The following IQGAP2 variants were observed in gnomAD, a reference collection of about 807,000 sequenced individuals.
The protein encoded by IQGAP2 is ras GTPase-activating-like protein IQGAP2.
Under a neutral mutation model 201.3 loss-of-function variants are expected in IQGAP2, and 173 were observed. The observed-to-expected ratio is 0.86, with a 90% CI of 0.76 to 0.98. The LOEUF (loss-of-function observed/expected upper bound fraction) is 0.98, where lower values mean the gene tolerates loss of function less well. Among genes scored for constraint, IQGAP2 ranks in the 50% least tolerant of loss-of-function variants. The pLI is 0.00. For missense variants in IQGAP2, 1,687 were observed against 1,864.8 expected (o/e 0.90, Z 1.76); for synonymous variants, 675 against 673.9 (o/e 1.00, Z -0.03).
At chr5:76,467,206 C>T (rs1754828445) in intron 2 of IQGAP2, among the ~76,000 whole-genome samples, 1 of 152,122 alleles carries the variant, frequency 6.6e-6, no homozygotes, top group Admixed American at 6.5e-5. Context: ...GAGCTGAGAT[C>T]ACACTGCACT....
intron 1 of IQGAP2, among the ~76,000 whole-genome samples, chr5:76,449,917 A>G (rs1401179000): frequency 6.6e-6 from 1 of 152,202 alleles, no homozygotes; most frequent in Non-Finnish European, 1.5e-5. Context: ...GTACAGCATG[A>G]ATTATATTTA....
intron 13 of IQGAP2, among the ~76,000 whole-genome samples, chr5:76,625,812 C>T (rs1442043004): frequency 6.6e-6 from 1 of 152,206 alleles, no homozygotes; most frequent in Non-Finnish European, 1.5e-5. Context: ...GATCCATTAC[C>T]TTTCATTCAT....
intron 3 of IQGAP2, among the ~76,000 whole-genome samples, chr5:76,565,246 C>A (rs1744664947): frequency 6.6e-6 from 1 of 152,168 alleles, no homozygotes; most frequent in Non-Finnish European, 1.5e-5. Flanking sequence ...AATAACCCAG[C>A]CCCAGCCCCT....
At position 76,455,453 on chromosome 5, in the gene IQGAP2, CAAAAAAAA is replaced by C. The variant is rs59978990; in HGVS notation, c.47-6102_47-6095del. On this transcript the variant is annotated intron_variant, in intron 1 of 35. Coordinates refer to ENST00000274364, the MANE Select transcript of IQGAP2 (RefSeq NM_006633.5). ...GGGCAACAAGAGCGAGACTCTGTCT[CAAAAAAAA>C]AAAAAAAAAAAAAAGAGAACAAACA... is the stretch of plus-strand genomic sequence containing the variant. Among the ~76,000 whole-genome samples the C allele has an allele frequency of 7.3e-4, 59 of 81,210 alleles. 1 individual carries two copies. In the South Asian group the frequency reaches 0.025, roughly 34 times the overall value. The allele number at this position is 81,210 out of a possible 152,430, so 53.3% of individuals were successfully genotyped here.
At chr5:76,640,812 T>C in intron 16 of IQGAP2, 121 bp from the exon 17 acceptor site, 2 of 747,584 alleles carry the variant, frequency 2.7e-6, no homozygotes, top group Non-Finnish European at 4.2e-6. Flanking sequence ...AAATTTGTTT[T>C]TAAACCAAGC....
At chr5:76,429,491 G>A (rs1489228162) in intron 1 of IQGAP2, among the ~76,000 whole-genome samples, 1 of 150,112 alleles carries the variant, frequency 6.7e-6, no homozygotes, top group Non-Finnish European at 1.5e-5. Context: ...AGAATGGTGT[G>A]AACCCGGGAG....
At position 76,409,241 on chromosome 5, in the gene IQGAP2, C is replaced by CTTTTT. The variant is rs35574851; in HGVS notation, c.46+5669_46+5673dup. Among the ~76,000 whole-genome samples the CTTTTT allele has an allele frequency of 1.9e-3, 147 of 79,372 alleles. 4 individuals carry two copies. Among genetic ancestry groups the CTTTTT allele is most frequent in the East Asian group, 4.6e-3 (11 of 2,374 alleles). 52.1% of individuals were successfully genotyped at this position (79,372 alleles called of 152,430 possible). On this transcript the variant is annotated intron_variant, in intron 1 of 35. Coordinates refer to ENST00000274364, the MANE Select transcript of IQGAP2 (RefSeq NM_006633.5). ...CAAGAAACAGCATAGAATACATGGG[C>CTTTTT]TTTTTTTTTTTTTTTTTTTTTTTGA...
At chr5:76,595,122 T>C (rs1054354673) in intron 9 of IQGAP2, among the ~76,000 whole-genome samples, 5 of 152,128 alleles carry the variant, frequency 3.3e-5, no homozygotes, top group Non-Finnish European at 7.3e-5. Flanking sequence ...ACAGATCTGT[T>C]GTTAGAGGCC....
rs529456926 is a variant in IQGAP2 at position 76,671,673 on chromosome 5, G to A, written c.2844-86G>A. On this transcript the variant is annotated intron_variant, in intron 23 of 35. Coordinates refer to ENST00000274364, the MANE Select transcript of IQGAP2 (RefSeq NM_006633.5). ...ACTGCACTCCAGCCTGGGTGACAGA[G>A]CAAGACTGTCTCGGGGAAAAAAAAA... 5.2e-6 allele frequency: 5 copies of A among 960,408 alleles called. No individual in the cohort carries two copies. The Admixed American group carries it at 7.6e-5, about 15-fold the overall frequency. 59.5% of individuals were successfully genotyped at this position (960,408 alleles called of 1,614,324 possible). A position where few individuals can be genotyped will look rare whatever the true frequency, so the allele number is the denominator to read the frequency against.
chr5:76,530,247 C>T lies in IQGAP2; in HGVS notation c.147-32149C>T, dbSNP rs115089968. On this transcript the variant is annotated intron_variant, in intron 2 of 35. Transcript: ENST00000274364. ...TATTCTTTTTTAAAAACTTTCCAGC[C>T]ATTAAAAAATCTAAAAAATATCCTT... Among the ~76,000 whole-genome samples the T allele has an allele frequency of 2.4e-3, 372 of 152,202 alleles. 4 individuals are homozygous for T. The highest frequency in any genetic ancestry group is 8.4e-3 in the African/African-American group (349 of 41,514).
At chr5:76,457,211 A>C (rs1299232722) in intron 1 of IQGAP2, among the ~76,000 whole-genome samples, 4 of 151,674 alleles carry the variant, frequency 2.6e-5, no homozygotes, top group African/African-American at 9.7e-5. Context: ...CTAGTCTCAA[A>C]CTCCTGAACT....
chr5:76,593,800 C>T (rs752561458), intron 9 of IQGAP2, among the ~76,000 whole-genome samples: 1 of 152,166 alleles, frequency 6.6e-6, no homozygotes, highest in Non-Finnish European at 1.5e-5. Context: ...CAGTCCTAAA[C>T]CTTGCCTTCC....
intron 1 of IQGAP2, among the ~76,000 whole-genome samples, chr5:76,411,831 G>A (rs1751137846): frequency 6.6e-6 from 1 of 152,180 alleles, no homozygotes; most frequent in Non-Finnish European, 1.5e-5. Flanking sequence ...TAGAGATAAA[G>A]CAAGGTTAGC....
At chr5:76,625,390 G>C (rs1181301771) in intron 13 of IQGAP2, among the ~76,000 whole-genome samples, 1 of 152,206 alleles carries the variant, frequency 6.6e-6, no homozygotes, top group South Asian at 2.1e-4. Context: ...TAGCTGGGGA[G>C]TGTTGGGTTC....
At chr5:76,673,706 T>A in intron 25 of IQGAP2, 117 bp downstream of exon 25, 1 of 1,111,268 alleles carries the variant, frequency 9.0e-7, no homozygotes. Flanking sequence ...TTTACTATTT[T>A]AAAAGATTGC....
At chr5:76,515,112 G>T (rs148506510) in intron 2 of IQGAP2, among the ~76,000 whole-genome samples, 1 of 152,262 alleles carries the variant, frequency 6.6e-6, no homozygotes, top group Non-Finnish European at 1.5e-5. Context: ...GTTTAGATTG[G>T]TATTAATATG....
chr5:76,571,560 TC>T (rs1745120204), intron 4 of IQGAP2, among the ~76,000 whole-genome samples: 1 of 152,160 alleles, frequency 6.6e-6, no homozygotes, highest in African/African-American at 2.4e-5. Context: ...AAAATAGATC[TC>T]CTAAATATAA....
chr5:76,554,014 CAT>C (rs1743739993), intron 2 of IQGAP2, among the ~76,000 whole-genome samples: 1 of 152,142 alleles, frequency 6.6e-6, no homozygotes, highest in South Asian at 2.1e-4. Context: ...AAGTCATAGA[CAT>C]ATAGATTGGA....
intron 2 of IQGAP2, among the ~76,000 whole-genome samples, chr5:76,519,327 C>T (rs1357787086): frequency 6.6e-6 from 1 of 152,184 alleles, no homozygotes; most frequent in Non-Finnish European, 1.5e-5. Context: ...TCTTTTAAGA[C>T]TGGCAGCCTT....
Sources: gnomAD v4.1 joint callset for allele counts (sites outside exome capture counted in the v4.1 genomes callset) on GRCh38, gnomAD v4.1.1 for gene constraint, MANE v1.5 for transcripts, NCBI Gene and HGNC (gene_info 2026-07-23, HGNC 2026-07-21) for gene names.